WAPL: variants seen among roughly 807,000 people sequenced by gnomAD.
WAPL encodes wings apart-like protein homolog.
WAPL carries 5 observed loss-of-function variants against 121.0 expected under a neutral mutation model. That is an observed-to-expected ratio of 0.04 (90% confidence interval 0.02 to 0.09). The LOEUF is 0.09. Ranked by LOEUF, WAPL falls within the 10% of genes least tolerant of loss-of-function variation. The pLI is 1.00. For missense variants in WAPL, 999 were observed against 1,410.8 expected, an observed-to-expected ratio of 0.71 and a Z score of 4.68; for synonymous variants, 480 against 481.5, an observed-to-expected ratio of 1.00 and a Z score of 0.04.
At chr10:86,441,115 A>G (rs1311543190) in intron 17 of WAPL, among the ~76,000 whole-genome samples, 1 of 152,060 alleles carries the variant, frequency 6.6e-6, no homozygotes, top group Non-Finnish European at 1.5e-5. Context: ...TGTTCCCTCA[A>G]TGCCCTTGCT....
rs1462616662 is a variant in WAPL, at chr10:86,446,333, T to C, written c.3231A>G (p.Gly1077=). The C allele has an allele frequency of 1.9e-6, 3 of 1,614,096 alleles. No homozygotes were observed. The African/African-American group carries it at 4.0e-5, about 22-fold the overall frequency. Residue 1077 remains glycine, a synonymous_variant, in exon 16 of 19, where the codon GGA becomes GGG. Coordinates refer to ENST00000298767, the MANE Select transcript of WAPL (RefSeq NM_015045.5). The part of the protein sequence containing the change: ...DKSGEWQETS[G]EIQWVSTEKT... ...TTTCAGTTGACACCCACTGTATTTCTCCACTTGTTTCTTGCCACTCTCCAC... is the reference window on the plus strand; with the variant it reads ...TTTCAGTTGACACCCACTGTATTTCCCCACTTGTTTCTTGCCACTCTCCAC...
chr10:86,502,436 T>C (rs1842264304), intron 2 of WAPL, among the ~76,000 whole-genome samples: 1 of 152,108 alleles, frequency 6.6e-6, no homozygotes, highest in Non-Finnish European at 1.5e-5. Flanking sequence ...ATTTTTGGAG[T>C]CCTTATCTGT....
intron 2 of WAPL, among the ~76,000 whole-genome samples, chr10:86,505,818 G>A (rs1373149607): frequency 1.3e-5 from 2 of 152,108 alleles, no homozygotes; most frequent in Non-Finnish European, 2.9e-5. Context: ...TCTGGCTATT[G>A]AAGAGCATGT....
At chr10:86,507,758 T>C (rs1020162535) in intron 2 of WAPL, among the ~76,000 whole-genome samples, 1 of 152,016 alleles carries the variant, frequency 6.6e-6, no homozygotes, top group African/African-American at 2.4e-5. Flanking sequence ...ACCATCCAAC[T>C]TGCTTGTGCC....
chr10:86,472,602 G>T lies in WAPL; in HGVS notation c.1893+10C>A. ...TCAACATGCAGTAAACACTGTATAT[G>T]GCTGCTTACTTCTTTGTCTTCTCGT... On this transcript the variant is annotated intron_variant, in intron 6 of 18. Transcript: ENST00000298767. This position sits in a 1 kb window ranked among gnomAD's most constrained non-coding sequence, Gnocchi z 4.2. The T allele has an allele frequency of 6.2e-7, 1 of 1,612,758 alleles. No individual in the cohort carries two copies. The highest frequency in any genetic ancestry group is 2.2e-5 in the East Asian group (1 of 44,832).
At chr10:86,460,256 G>C (rs1352784533) in intron 11 of WAPL, 143 bp downstream of exon 11, 1 of 645,300 alleles carries the variant, frequency 1.5e-6, no homozygotes, top group Non-Finnish European at 2.7e-6. Context: ...ACAACTGGTT[G>C]CTCAAAAAAT....
rs537678268 is a variant in WAPL, at chr10:86,469,566, T to C, written c.2142+1426A>G. Among the ~76,000 whole-genome samples the C allele has an allele frequency of 2.6e-5, 4 of 152,116 alleles. No homozygotes were observed. The South Asian group carries it at 8.3e-4, about 32-fold the overall frequency. On this transcript the variant is annotated intron_variant, in intron 8 of 18. Coordinates refer to ENST00000298767, the MANE Select transcript of WAPL (RefSeq NM_015045.5). Reference sequence around the variant, plus strand: ...ACCGCACCTGGCCAGGACACTCTACTTACACAATCTAAATACTGAAGGTGA... The same window carrying C: ...ACCGCACCTGGCCAGGACACTCTACCTACACAATCTAAATACTGAAGGTGA...
intron 4 of WAPL, among the ~76,000 whole-genome samples, chr10:86,495,988 C>T (rs373898840): frequency 6.6e-6 from 1 of 152,122 alleles, no homozygotes; most frequent in South Asian, 2.1e-4. Context: ...GTGTCACATG[C>T]GTGTAATCCC....
rs373767167 is a variant in WAPL, at chr10:86,460,305, C to G, written c.2580+94G>C. On this transcript the variant is annotated intron_variant, in intron 11 of 18. Transcript: ENST00000298767. Reference sequence around the variant, plus strand: ...TATCTGGATTAACAGAAGTGAACCTCCAGGGGTATATAAAATATTTGGCAG... The same window carrying G: ...TATCTGGATTAACAGAAGTGAACCTGCAGGGGTATATAAAATATTTGGCAG... 3.7e-5 allele frequency: 36 copies of G among 975,258 alleles called. No homozygotes were observed. In the African/African-American group the frequency reaches 4.7e-4, roughly 13 times the overall value. 60.4% of individuals were successfully genotyped at this position (975,258 alleles called of 1,614,324 possible). A position where few individuals can be genotyped will look rare whatever the true frequency, so the allele number is the denominator to read the frequency against.
At chr10:86,513,952 G>A (rs538000957) in intron 2 of WAPL, among the ~76,000 whole-genome samples, 1 of 152,294 alleles carries the variant, frequency 6.6e-6, no homozygotes, top group Non-Finnish European at 1.5e-5. Flanking sequence ...TAAGATTTCT[G>A]AGACCCAAGT....
intron 8 of WAPL, among the ~76,000 whole-genome samples, chr10:86,470,776 A>G (rs1165014811): frequency 6.6e-6 from 1 of 152,248 alleles, no homozygotes; most frequent in East Asian, 1.9e-4. Context: ...AAAGTATAAA[A>G]TGACACATTA....
At chr10:86,462,433 C>T (rs374005599) in intron 9 of WAPL, among the ~76,000 whole-genome samples, 4 of 152,120 alleles carry the variant, frequency 2.6e-5, no homozygotes, top group South Asian at 4.2e-4. Flanking sequence ...AAGTTGTTCT[C>T]GGCCAGGTGC....
At chr10:86,509,393 C>T (rs1329519630) in intron 2 of WAPL, among the ~76,000 whole-genome samples, 1 of 152,188 alleles carries the variant, frequency 6.6e-6, no homozygotes, top group African/African-American at 2.4e-5. Context: ...TCTGCCACTT[C>T]TATCCTTTCT....
chr10:86,475,072 G>T (rs1428315612), intron 4 of WAPL, among the ~76,000 whole-genome samples: 4 of 152,204 alleles, frequency 2.6e-5, no homozygotes, highest in African/African-American at 9.7e-5. Context: ...CATCAATTGA[G>T]GTTATTGTGC....
At chr10:86,440,584 C>T (rs1426282664) in intron 17 of WAPL, among the ~76,000 whole-genome samples, 1 of 152,146 alleles carries the variant, frequency 6.6e-6, no homozygotes, top group African/African-American at 2.4e-5. Context: ...CAGGCGTGAG[C>T]CACTGCGCCC....
At chr10:86,474,051 T>C (rs1841596085) in intron 4 of WAPL, 78 bp from the exon 5 acceptor site, 3 of 1,185,860 alleles carry the variant, frequency 2.5e-6, no homozygotes, top group Admixed American at 1.8e-5. Flanking sequence ...GAATAATTTA[T>C]ATGCATAAAC....
rs33917114 is a variant in WAPL, at chr10:86,472,324, G to A, written c.1914C>T (p.His638=). 11,965 of 1,599,734 alleles carry A rather than the reference G, an allele frequency of 7.5e-3. 210 individuals are homozygous for A. The highest frequency in any genetic ancestry group is 0.052 in the African/African-American group (3,872 of 73,834). The change falls in exon 7 of 19, where the codon CAC becomes CAT. Residue 638 remains histidine, a synonymous_variant. Transcript: ENST00000298767. This position sits in a 1 kb window ranked among gnomAD's most constrained non-coding sequence, Gnocchi z 4.2. ...EDKELYTVVQ[H]VKHFNDVVEF... ...CTACAACATCGTTGAAGTGCTTCAC[G>A]TGCTGAACAACAGTATATAACTGCC...
intron 15 of WAPL, among the ~76,000 whole-genome samples, chr10:86,451,392 C>CA (rs1156407417): frequency 6.9e-6 from 1 of 145,556 alleles, no homozygotes; most frequent in Non-Finnish European, 1.5e-5. Flanking sequence ...ATTATACCAC[C>CA]TTTTTTTTTT....
chr10:86,513,719 A>AG (rs1469103560), intron 2 of WAPL, among the ~76,000 whole-genome samples: 1 of 152,232 alleles, frequency 6.6e-6, no homozygotes, highest in African/African-American at 2.4e-5. Flanking sequence ...ATGCACTTAA[A>AG]AACGTAATGC....
Sources: allele counts gnomAD v4.1 joint callset (sites outside exome capture counted in the v4.1 genomes callset), GRCh38; gene constraint gnomAD v4.1.1; non-coding constraint Gnocchi (gnomAD v3.1); transcripts MANE v1.5; gene names NCBI Gene and HGNC (gene_info 2026-07-23, HGNC 2026-07-21).